MDGA2: variants seen among roughly 807,000 people sequenced by gnomAD.
The protein encoded by MDGA2 is MAM domain containing glycosylphosphatidylinositol anchor 2.
Under a neutral mutation model 117.8 loss-of-function variants are expected in MDGA2, and 40 were observed. That is an observed-to-expected ratio of 0.34 (90% CI 0.26 to 0.44). The LOEUF (loss-of-function observed/expected upper bound fraction) is 0.44, where lower values mean the gene tolerates loss of function less well. Among genes scored for constraint, MDGA2 ranks in the 20% least tolerant of loss-of-function variants. MDGA2 has a pLI of 1.00. For synonymous variants in MDGA2, 452 were observed against 439.0 expected, an observed-to-expected ratio of 1.03 and a Z score of -0.37; for missense variants, 1,123 against 1,250.6, an observed-to-expected ratio of 0.90 and a Z score of 1.54.
chr14:47,154,519 G>A (rs1390244108), intron 3 of MDGA2, among the ~76,000 whole-genome samples: 1 of 152,146 alleles, frequency 6.6e-6, no homozygotes, highest in Non-Finnish European at 1.5e-5. Context: ...AAGCCCCCCT[G>A]CCCCTGCATG....
intron 1 of MDGA2, among the ~76,000 whole-genome samples, chr14:47,414,218 C>T (rs1055412037): frequency 5.3e-5 from 8 of 152,078 alleles, no homozygotes; most frequent in African/African-American, 1.9e-4. Flanking sequence ...CCATAATGTC[C>T]ATGAACATTG....
chr14:47,573,330 T>C (rs762142885), intron 1 of MDGA2, among the ~76,000 whole-genome samples: 3 of 152,084 alleles, frequency 2.0e-5, no homozygotes, highest in Non-Finnish European at 4.4e-5. Flanking sequence ...CAGCATAATA[T>C]ACATAGACTA....
intron 5 of MDGA2, among the ~76,000 whole-genome samples, chr14:47,099,910 A>T (rs1013995212): frequency 2.0e-5 from 3 of 152,174 alleles, no homozygotes; most frequent in South Asian, 4.1e-4. Context: ...TTACCCTCAC[A>T]GCCTAGTCCA....
intron 3 of MDGA2, among the ~76,000 whole-genome samples, chr14:47,190,940 G>GT (rs1250083059): frequency 4.6e-5 from 7 of 152,010 alleles, no homozygotes; most frequent in South Asian, 2.1e-4. Context: ...AGTTAGTGCA[G>GT]TTTTTTTCTC....
At chr14:47,107,674 C>G (rs1373927170) in intron 5 of MDGA2, among the ~76,000 whole-genome samples, 3 of 151,318 alleles carry the variant, frequency 2.0e-5, no homozygotes, top group Admixed American at 6.6e-5. Context: ...CGACTGATCT[C>G]TCAAACCCAA....
At position 47,154,101 on chromosome 14, in the gene MDGA2, A is replaced by C. The variant is rs949528601; in HGVS notation, c.596-9827T>G. ...GGGAGTAGAGGACAACATGTGATCA[A>C]GAGAGTCTTGTTTTGTTTTGTTCCT... On this transcript the variant is annotated intron_variant, in intron 3 of 16. Transcript: ENST00000399232. Among the ~76,000 whole-genome samples, 15 of 152,326 alleles carry C rather than the reference A, an allele frequency of 9.8e-5. No homozygotes were observed. In the East Asian group the frequency reaches 2.1e-3, roughly 22 times the overall value.
intron 2 of MDGA2, among the ~76,000 whole-genome samples, chr14:47,245,002 A>G (rs1285141593): frequency 6.7e-6 from 1 of 150,112 alleles, no homozygotes; most frequent in Non-Finnish European, 1.5e-5. Context: ...TCTCTTCCAC[A>G]TGACTCTCTT....
chr14:47,314,591 T>C (rs183593688), intron 1 of MDGA2, among the ~76,000 whole-genome samples: 1 of 151,586 alleles, frequency 6.6e-6, no homozygotes. Context: ...GGTGGGAGGG[T>C]CCCTTGAGTC....
chr14:46,929,236 T>C (rs1418905654), intron 9 of MDGA2, among the ~76,000 whole-genome samples: 2 of 152,064 alleles, frequency 1.3e-5, no homozygotes, highest in Admixed American at 6.6e-5. Context: ...GTATGAACCA[T>C]AGCTTTGGTG....
chr14:47,293,624 A>G (rs1255037803), intron 2 of MDGA2, among the ~76,000 whole-genome samples: 1 of 152,170 alleles, frequency 6.6e-6, no homozygotes, highest in African/African-American at 2.4e-5. Context: ...TACGATTATC[A>G]TTTACTAAGC....
intron 2 of MDGA2, among the ~76,000 whole-genome samples, chr14:47,250,704 C>T (rs902230644): frequency 6.6e-6 from 1 of 152,076 alleles, no homozygotes; most frequent in South Asian, 2.1e-4. Flanking sequence ...TATAAACCAC[C>T]CAGTTCTAAG....
rs954896819 is a variant in MDGA2 at position 46,948,407 on chromosome 14, G to C, written c.2089+8967C>G. On this transcript the variant is annotated intron_variant, in intron 9 of 16. Transcript: ENST00000399232. Reference sequence around the variant, plus strand: ...AAGGGAAGGAGTGCTTCAGGACGGAGAGATCTGGTTGCAGTATCATTTTTA... The same window carrying C: ...AAGGGAAGGAGTGCTTCAGGACGGACAGATCTGGTTGCAGTATCATTTTTA... Among the ~76,000 whole-genome samples the C allele has an allele frequency of 6.6e-5, 10 of 152,066 alleles. No individual in the cohort carries two copies. In the East Asian group the frequency reaches 7.8e-4, roughly 12 times the overall value.
intron 10 of MDGA2, among the ~76,000 whole-genome samples, chr14:46,900,399 C>A (rs28581946): frequency 0.025 from 3,799 of 152,186 alleles, 157 homozygotes; most frequent in African/African-American, 0.086. Flanking sequence ...CACACAGGAA[C>A]TTGTACATGA....
intron 1 of MDGA2, among the ~76,000 whole-genome samples, chr14:47,351,590 C>T (rs1265101029): frequency 6.6e-6 from 1 of 152,154 alleles, no homozygotes; most frequent in East Asian, 1.9e-4. Context: ...TCTATCTGGA[C>T]TCTTAGCCTT....
At chr14:47,470,643 G>T (rs994580545) in intron 1 of MDGA2, among the ~76,000 whole-genome samples, 4 of 152,152 alleles carry the variant, frequency 2.6e-5, no homozygotes, top group Admixed American at 6.6e-5. Context: ...TAGTGGGATT[G>T]CTGGGTAGAA....
At chr14:47,644,054 C>G (rs1330968830) in intron 1 of MDGA2, among the ~76,000 whole-genome samples, 1 of 152,060 alleles carries the variant, frequency 6.6e-6, no homozygotes, top group African/African-American at 2.4e-5. Flanking sequence ...AGCATCTATA[C>G]GCCTACTGTA....
At chr14:47,276,094 T>C (rs1169962634) in intron 2 of MDGA2, among the ~76,000 whole-genome samples, 1 of 152,158 alleles carries the variant, frequency 6.6e-6, no homozygotes, top group Non-Finnish European at 1.5e-5. Flanking sequence ...TGGTAGTAGT[T>C]TGTCACCTAT....
intron 3 of MDGA2, among the ~76,000 whole-genome samples, chr14:47,199,246 C>T (rs1047620299): frequency 6.6e-6 from 1 of 151,972 alleles, no homozygotes; most frequent in African/African-American, 2.4e-5. Context: ...ATAGTATTTT[C>T]ACATCTGATT....
intron 1 of MDGA2, among the ~76,000 whole-genome samples, chr14:47,489,607 T>C (rs1894128367): frequency 6.6e-6 from 1 of 152,012 alleles, no homozygotes; most frequent in Non-Finnish European, 1.5e-5. Flanking sequence ...TATATAAAAT[T>C]TGCATGATAA....
Sources: gnomAD v4.1 joint callset for allele counts (sites outside exome capture counted in the v4.1 genomes callset) on GRCh38, gnomAD v4.1.1 for gene constraint, MANE v1.5 for transcripts, NCBI Gene and HGNC (gene_info 2026-07-23, HGNC 2026-07-21) for gene names.